The following DIP2B variants were observed in gnomAD, a reference collection of about 807,000 sequenced individuals.
The protein encoded by DIP2B is DIP2 acetate--CoA ligase B (putative).
A neutral mutation model predicts 198.0 loss-of-function variants in DIP2B; 76 were observed. The ratio of observed to expected loss-of-function variants is 0.38; its 90% CI spans 0.32 to 0.46. DIP2B has a LOEUF of 0.46. Among genes scored for constraint, DIP2B ranks in the 20% least tolerant of loss-of-function variants. The pLI is 0.99. For missense variants in DIP2B, 1,559 were observed against 1,978.4 expected (o/e 0.79, Z 4.02); for synonymous variants, 701 against 739.1 (o/e 0.95, Z 0.84).
At chr12:50,737,858 G>T (rs986767499) in intron 35 of DIP2B, among the ~76,000 whole-genome samples, 3 of 152,124 alleles carry the variant, frequency 2.0e-5, no homozygotes, top group African/African-American at 7.2e-5. Flanking sequence ...AAAATACTAG[G>T]ATTACAGGCA....
chr12:50,733,391 A>T (rs944696563), intron 32 of DIP2B, among the ~76,000 whole-genome samples: 1 of 152,044 alleles, frequency 6.6e-6, no homozygotes, highest in Admixed American at 6.6e-5. Flanking sequence ...TTAATGTGTA[A>T]TAAGGCAAAT....
intron 1 of DIP2B, among the ~76,000 whole-genome samples, chr12:50,514,193 GT>G (rs1319423558): frequency 1.3e-5 from 2 of 151,416 alleles, no homozygotes. Flanking sequence ...AGCCTTCTGA[GT>G]AGCTGGGATT....
At chr12:50,715,175 T>C (rs1300160243) in intron 23 of DIP2B, among the ~76,000 whole-genome samples, 1 of 152,224 alleles carries the variant, frequency 6.6e-6, no homozygotes, top group Non-Finnish European at 1.5e-5. Context: ...CTCAATCATG[T>C]TCTTCTAGCT....
At chr12:50,535,767 A>G (rs1203238906) in intron 1 of DIP2B, among the ~76,000 whole-genome samples, 1 of 151,562 alleles carries the variant, frequency 6.6e-6, no homozygotes, top group Admixed American at 6.6e-5. Context: ...TTACATATCT[A>G]TACATGTGCC....
intron 1 of DIP2B, among the ~76,000 whole-genome samples, chr12:50,534,358 A>G (rs1958244586): frequency 6.9e-6 from 1 of 144,964 alleles, no homozygotes; most frequent in Non-Finnish European, 1.5e-5. Flanking sequence ...CTTTTTACAC[A>G]TTCTCATTTC....
intron 1 of DIP2B, among the ~76,000 whole-genome samples, chr12:50,522,473 A>T (rs1311430806): frequency 6.6e-6 from 1 of 152,094 alleles, no homozygotes; most frequent in Non-Finnish European, 1.5e-5. Context: ...ATACATACAC[A>T]CACTCACTTA....
At position 50,673,781 on chromosome 12, in the gene DIP2B, G is replaced by A. The variant is rs542535278; in HGVS notation, c.641-693G>A. 2.6e-5 allele frequency among the ~76,000 whole-genome samples: 4 copies of A among 152,230 alleles called. No homozygotes were observed. In the South Asian group the frequency reaches 6.2e-4, roughly 24 times the overall value. On this transcript the variant is annotated intron_variant, in intron 5 of 37. Coordinates refer to ENST00000301180, the MANE Select transcript of DIP2B (RefSeq NM_173602.3). ...TGGCTGGGCAACAGCACAAGACCCT[G>A]TCTGAAAAATAAAAAGAATCCCTAT...
intron 1 of DIP2B, among the ~76,000 whole-genome samples, chr12:50,561,927 A>C (rs1958522630): frequency 6.6e-6 from 1 of 152,178 alleles, no homozygotes; most frequent in Non-Finnish European, 1.5e-5. Context: ...CATCTCTTTT[A>C]TAAATATTGG....
At chr12:50,551,454 T>A (rs1242164029) in intron 1 of DIP2B, among the ~76,000 whole-genome samples, 1 of 152,004 alleles carries the variant, frequency 6.6e-6, no homozygotes, top group African/African-American at 2.4e-5. Context: ...TGTGTATGTG[T>A]GTATTTTGAG....
chr12:50,683,483 A>G (rs1018818228), intron 10 of DIP2B, among the ~76,000 whole-genome samples: 7 of 152,196 alleles, frequency 4.6e-5, no homozygotes, highest in African/African-American at 1.7e-4. Flanking sequence ...ATATCATTTA[A>G]AATATCACTG....
At chr12:50,517,975 A>G (rs957849924) in intron 1 of DIP2B, among the ~76,000 whole-genome samples, 1 of 152,218 alleles carries the variant, frequency 6.6e-6, no homozygotes, top group African/African-American at 2.4e-5. Flanking sequence ...ATGATGTAAT[A>G]GGTCCTGTGC....
intron 1 of DIP2B, among the ~76,000 whole-genome samples, chr12:50,552,392 G>T (rs543390642): frequency 2.0e-5 from 3 of 151,242 alleles, no homozygotes; most frequent in Admixed American, 6.6e-5. Flanking sequence ...TCAGCCTCCC[G>T]AGTAGCTGGG....
rs1958840963 is a variant in DIP2B, at chr12:50,593,704, TCC to T, written c.101-32269_101-32268del. On this transcript the variant is annotated intron_variant, in intron 1 of 37. Coordinates refer to ENST00000301180, the MANE Select transcript of DIP2B (RefSeq NM_173602.3). ...GAATACACTCTTTTCTCCTCTCCTCTCCCCTCCTCTCCTCTCCTCTCCTCTCC... is the reference window on the plus strand; with the variant it reads ...GAATACACTCTTTTCTCCTCTCCTCTCCTCCTCTCCTCTCCTCTCCTCTCC... Among the ~76,000 whole-genome samples the T allele has an allele frequency of 2.0e-4, 9 of 44,024 alleles. 1 individual carries two copies. Among genetic ancestry groups the T allele is most frequent in the Admixed American group, 1.1e-3 (4 of 3,784 alleles). The allele number at this position is 44,024 out of a possible 152,430, so 28.9% of individuals were successfully genotyped here.
intron 1 of DIP2B, 146 bp downstream of exon 1, chr12:50,505,386 C>A: frequency 1.7e-6 from 1 of 588,584 alleles, no homozygotes; most frequent in Non-Finnish European, 2.8e-6. Flanking sequence ...CGACCGTTTT[C>A]CCTCCTCTCC....
rs943437650 is a variant in DIP2B, at chr12:50,612,009, G to GAAA, written c.101-13955_101-13953dup. 2.7e-4 allele frequency among the ~76,000 whole-genome samples: 33 copies of GAAA among 122,538 alleles called. 1 individual carries two copies. Among genetic ancestry groups the GAAA allele is most frequent in the African/African-American group, 8.9e-4 (31 of 34,884 alleles). 80.4% of individuals were successfully genotyped at this position (122,538 alleles called of 152,430 possible). ...AACCCAAGATCCCGCCTCTAAAAAA[G>GAAA]AAAAAAAAAAAAAAGCAGATATCTT... On this transcript the variant is annotated intron_variant, in intron 1 of 37. Coordinates refer to ENST00000301180, the MANE Select transcript of DIP2B (RefSeq NM_173602.3).
chr12:50,521,059 C>T (rs1958112715), intron 1 of DIP2B, among the ~76,000 whole-genome samples: 1 of 142,068 alleles, frequency 7.0e-6, no homozygotes, highest in South Asian at 2.2e-4. Flanking sequence ...ATATTAATCT[C>T]TTCTATTTTT....
At chr12:50,552,403 A>G (rs1010826730) in intron 1 of DIP2B, among the ~76,000 whole-genome samples, 1 of 151,634 alleles carries the variant, frequency 6.6e-6, no homozygotes, top group African/African-American at 2.4e-5. Context: ...AGTAGCTGGG[A>G]CTATAGGCGC....
At chr12:50,696,135 A>G (rs1939307771) in intron 16 of DIP2B, among the ~76,000 whole-genome samples, 168 bp downstream of exon 16, 1 of 152,204 alleles carries the variant, frequency 6.6e-6, no homozygotes, top group South Asian at 2.1e-4. Flanking sequence ...ATTACAATCT[A>G]AGTTTAGAAC....
rs766717552 is a variant in DIP2B at position 50,640,741 on chromosome 12, C to G, written c.190C>G (p.Gln64Glu). 6 of 1,613,572 alleles carry G rather than the reference C, an allele frequency of 3.7e-6. No homozygotes were observed. In the African/African-American group the frequency reaches 8.0e-5, roughly 22 times the overall value. The change falls in exon 3 of 38, where the codon CAG becomes GAG. Residue 64 changes from glutamine (Q) to glutamate (E), a missense_variant. Coordinates refer to ENST00000301180, the MANE Select transcript of DIP2B (RefSeq NM_173602.3). ...TTTTTTAGAAACTGATTCAGCAGTA[C>G]AGAAAGAACTTAGAAACCAGACACC... is the stretch of plus-strand genomic sequence containing the variant. Reference protein sequence around the residue: ...PQTQETDSAVQKELRNQTPAP... With the variant: ...PQTQETDSAVEKELRNQTPAP...
Sources: allele counts gnomAD v4.1 joint callset (sites outside exome capture counted in the v4.1 genomes callset), GRCh38; gene constraint gnomAD v4.1.1; transcripts MANE v1.5; gene names NCBI Gene and HGNC (gene_info 2026-07-23, HGNC 2026-07-21).